GLRB: variants seen among roughly 807,000 people sequenced by gnomAD.
GLRB encodes the protein glycine receptor beta, also known as glycine receptor subunit beta.
GLRB carries 33 observed loss-of-function variants against 54.2 expected under a neutral mutation model. The ratio of observed to expected loss-of-function variants is 0.61; its 90% CI spans 0.46 to 0.81. The LOEUF is 0.81. GLRB is among the 40% of genes least tolerant of loss of function. The probability of loss-of-function intolerance (pLI) is 0.00; values close to 1 mark genes in which losing one functional copy is unlikely to be tolerated. For synonymous variants in GLRB, 209 were observed against 208.2 expected, an observed-to-expected ratio of 1.00 and a Z score of -0.03; for missense variants, 572 against 584.6, an observed-to-expected ratio of 0.98 and a Z score of 0.22.
intron 2 of GLRB, among the ~76,000 whole-genome samples, chr4:157,086,518 G>A (rs761404098): frequency 1.8e-4 from 27 of 152,030 alleles, no homozygotes; most frequent in Non-Finnish European, 2.2e-4. Flanking sequence ...AATCTTGATC[G>A]GTATTTACAC....
intron 2 of GLRB, among the ~76,000 whole-genome samples, chr4:157,092,232 G>T (rs910919532): frequency 6.6e-6 from 1 of 152,160 alleles, no homozygotes; most frequent in Non-Finnish European, 1.5e-5. Context: ...AGTAAAAAGA[G>T]ATAGGTTCTA....
intron 2 of GLRB, among the ~76,000 whole-genome samples, chr4:157,087,787 C>CT (rs35300316): frequency 0.17 from 25,473 of 148,944 alleles, 2,206 homozygotes; most frequent in East Asian, 0.29. Context: ...GAAATGTATC[C>CT]TTTTTTTTTT....
intron 2 of GLRB, among the ~76,000 whole-genome samples, chr4:157,085,644 G>A (rs945289544): frequency 8.6e-5 from 13 of 151,914 alleles, no homozygotes; most frequent in African/African-American, 2.9e-4. Flanking sequence ...CTACAGGTGC[G>A]TGCCACCACA....
rs1326271649 is a variant in GLRB, at chr4:157,143,788, A to G, written c.752-19A>G. 1.2e-6 allele frequency: 2 copies of G among 1,609,896 alleles called. No homozygotes were observed. Among genetic ancestry groups the G allele is most frequent in the Non-Finnish European group, 8.5e-7 (1 of 1,178,378 alleles). On this transcript the variant is annotated intron_variant, in intron 7 of 9. Coordinates refer to ENST00000264428, the MANE Select transcript of GLRB (RefSeq NM_000824.5). Reference sequence around the variant, plus strand: ...TGTGGGTGAAAACCTCATGCCTTGAATGTGTTTGCTTCTGAAAGGCTACTA... The same window carrying G: ...TGTGGGTGAAAACCTCATGCCTTGAGTGTGTTTGCTTCTGAAAGGCTACTA...
At chr4:157,162,083 A>G (rs1450907004) in intron 9 of GLRB, among the ~76,000 whole-genome samples, 4 of 152,046 alleles carry the variant, frequency 2.6e-5, no homozygotes, top group Non-Finnish European at 5.9e-5. Context: ...CATTCATTTG[A>G]TCTTCAATCA....
At chr4:157,131,597 T>C (rs1736217940) in intron 4 of GLRB, among the ~76,000 whole-genome samples, 1 of 151,744 alleles carries the variant, frequency 6.6e-6, no homozygotes, top group African/African-American at 2.4e-5. Flanking sequence ...CTTTCTCCTC[T>C]CTAAATTCTG....
Position 157,138,937 on chromosome 4 carries a change from T to A in GLRB, c.739T>A (p.Tyr247Asn). The part of the protein sequence containing the change: ...DIEYGNCTKY[Y>N]KGTGYYTCVE... The stretch of plus-strand genomic sequence containing the variant: ...TGAATATGGTAACTGTACAAAATAC[T>A]ATAAAGGCACGGGTAAGTAATATTC... The change falls in exon 7 of 10, where the codon TAT (tyrosine) becomes AAT (asparagine). Residue 247 changes from tyrosine (Y) to asparagine (N), a missense_variant. Transcript: ENST00000264428. The A allele has an allele frequency of 7.0e-7, 1 of 1,435,858 alleles. No individual in the cohort carries two copies. The highest frequency in any genetic ancestry group is 9.8e-7 in the Non-Finnish European group (1 of 1,019,418). The allele number at this position is 1,435,858 out of a possible 1,614,324, so 88.9% of individuals were successfully genotyped here.
intron 7 of GLRB, among the ~76,000 whole-genome samples, chr4:157,140,794 G>C (rs1736578749): frequency 6.6e-6 from 1 of 151,852 alleles, no homozygotes; most frequent in Non-Finnish European, 1.5e-5. Flanking sequence ...AAAAAGAGTA[G>C]TGTCTAAATT....
chr4:157,076,725 T>C (rs1190674816), intron 1 of GLRB, among the ~76,000 whole-genome samples: 1 of 152,000 alleles, frequency 6.6e-6, no homozygotes, highest in Admixed American at 6.5e-5. Context: ...GCCCTCCTTT[T>C]TGCGGGGGCA....
At chr4:157,080,167 A>G (rs1734174887) in intron 2 of GLRB, among the ~76,000 whole-genome samples, 1 of 152,204 alleles carries the variant, frequency 6.6e-6, no homozygotes, top group African/African-American at 2.4e-5. Flanking sequence ...ACAGATTTTC[A>G]AAGTTAAATT....
At chr4:157,141,738 A>G (rs570331010) in intron 7 of GLRB, among the ~76,000 whole-genome samples, 1 of 152,170 alleles carries the variant, frequency 6.6e-6, no homozygotes, top group South Asian at 2.1e-4. Flanking sequence ...TTCTCATAAA[A>G]TTTTATGGAG....
intron 9 of GLRB, among the ~76,000 whole-genome samples, chr4:157,156,074 C>T (rs932163434): frequency 1.3e-5 from 2 of 152,104 alleles, no homozygotes; most frequent in Non-Finnish European, 2.9e-5. Flanking sequence ...ATTGCTTTGG[C>T]TATTCAGGCT....
At chr4:157,168,893 G>A (rs1355319829) in intron 9 of GLRB, among the ~76,000 whole-genome samples, 1 of 151,974 alleles carries the variant, frequency 6.6e-6, no homozygotes, top group Non-Finnish European at 1.5e-5. Context: ...AATCACAGAA[G>A]GATGTATAAA....
At chr4:157,100,375 C>T (rs1734974440) in intron 2 of GLRB, among the ~76,000 whole-genome samples, 1 of 152,104 alleles carries the variant, frequency 6.6e-6, no homozygotes, top group African/African-American at 2.4e-5. Context: ...CTGTACATTA[C>T]TAGTAAATTG....
At chr4:157,131,999 C>G (rs1436962973) in intron 4 of GLRB, among the ~76,000 whole-genome samples, 3 of 151,800 alleles carry the variant, frequency 2.0e-5, no homozygotes, top group Non-Finnish European at 4.4e-5. Context: ...TCCAAAGTGG[C>G]TGAACAGTTT....
intron 9 of GLRB, among the ~76,000 whole-genome samples, chr4:157,164,474 C>T (rs2126628590): frequency 6.6e-6 from 1 of 152,246 alleles, no homozygotes; most frequent in Admixed American, 6.5e-5. Context: ...AACTTGACCT[C>T]TGGTTAAGAG....
intron 2 of GLRB, among the ~76,000 whole-genome samples, chr4:157,105,503 A>T (rs539829808): frequency 4.6e-5 from 7 of 151,990 alleles, no homozygotes; most frequent in African/African-American, 1.4e-4. Context: ...CTGCTGTTGG[A>T]TGAAATGTTC....
intron 8 of GLRB, among the ~76,000 whole-genome samples, chr4:157,152,165 C>T (rs1737044293): frequency 6.6e-6 from 1 of 152,114 alleles, no homozygotes; most frequent in Admixed American, 6.6e-5. Flanking sequence ...ACCTTCATAC[C>T]TTTCTTTGGA....
intron 9 of GLRB, among the ~76,000 whole-genome samples, chr4:157,158,193 G>T (rs1161289456): frequency 6.6e-6 from 1 of 151,308 alleles, no homozygotes; most frequent in African/African-American, 2.4e-5. Context: ...TTTTTTTCTT[G>T]TAAATTTGTT....
Sources: gnomAD v4.1 joint callset for allele counts (sites outside exome capture counted in the v4.1 genomes callset) on GRCh38, gnomAD v4.1.1 for gene constraint, MANE v1.5 for transcripts, NCBI Gene and HGNC (gene_info 2026-07-23, HGNC 2026-07-21) for gene names.